Variants in PRKN observed in about 807,000 individuals in gnomAD.
PRKN encodes E3 ubiquitin-protein ligase parkin.
Under a neutral mutation model 59.5 loss-of-function variants are expected in PRKN, and 56 were observed. The observed-to-expected ratio is 0.94, with a 90% CI of 0.76 to 1.18. The LOEUF is 1.18. PRKN is among the 50% of genes most tolerant of loss of function. The pLI is 0.00. For missense variants in PRKN, 657 were observed against 596.4 expected (o/e 1.10, Z -1.06); for synonymous variants, 250 against 222.1 (o/e 1.13, Z -1.12).
chr6:162,651,507 G>A (rs1336995643), intron 1 of PRKN, among the ~76,000 whole-genome samples: 1 of 152,194 alleles, frequency 6.6e-6, no homozygotes, highest in Admixed American at 6.5e-5. Flanking sequence ...AAAGTAGTTT[G>A]AGGAGACACA....
intron 3 of PRKN, among the ~76,000 whole-genome samples, chr6:162,229,978 G>A (rs1365378520): frequency 6.6e-6 from 1 of 152,100 alleles, no homozygotes; most frequent in East Asian, 1.9e-4. Flanking sequence ...TGAGTACTTA[G>A]AACCACTCCG....
intron 1 of PRKN, among the ~76,000 whole-genome samples, chr6:162,662,708 A>G (rs1778936302): frequency 6.6e-6 from 1 of 152,096 alleles, no homozygotes; most frequent in Non-Finnish European, 1.5e-5. Context: ...ATCTTTGTCA[A>G]CTAGGTCAAA....
At chr6:161,439,929 T>A (rs1789120017) in intron 9 of PRKN, among the ~76,000 whole-genome samples, 1 of 147,636 alleles carries the variant, frequency 6.8e-6, no homozygotes, top group African/African-American at 2.5e-5. Flanking sequence ...GGCCTAGGTT[T>A]TTTTGTTTTT....
rs527965476 is a variant in PRKN at position 161,568,879 on chromosome 6, T to C, written c.933+476A>G. 8.6e-5 allele frequency among the ~76,000 whole-genome samples: 13 copies of C among 152,028 alleles called. No individual in the cohort carries two copies. In the East Asian group the frequency reaches 1.9e-3, roughly 23 times the overall value. On this transcript the variant is annotated intron_variant, in intron 8 of 11. Coordinates refer to ENST00000366898, the MANE Select transcript of PRKN (RefSeq NM_004562.3). ...CAGCATTTAAATAATCCACTTCAAA[T>C]GGTCACCCTTTGTATAGACGTCACA... is the stretch of plus-strand genomic sequence containing the variant.
At position 161,588,394 on chromosome 6, in the gene PRKN, A is replaced by G. The variant is rs1781596442; in HGVS notation, c.872-18978T>C. On this transcript the variant is annotated intron_variant, in intron 7 of 11. Coordinates refer to ENST00000366898, the MANE Select transcript of PRKN (RefSeq NM_004562.3). The surrounding 1 kb of genome is among the most constrained non-coding windows in gnomAD (Gnocchi z 5.0). ...AAACTCTGTCCCCTCGCCAAAAAAA[A>G]AAAATTTACTCTATGGGTATCAATA... 1.3e-5 allele frequency among the ~76,000 whole-genome samples: 2 copies of G among 152,170 alleles called. No individual in the cohort carries two copies. Among genetic ancestry groups the G allele is most frequent in the Admixed American group, 1.3e-4 (2 of 15,270 alleles).
intron 6 of PRKN, among the ~76,000 whole-genome samples, chr6:161,893,302 T>C (rs1777486992): frequency 6.6e-6 from 1 of 152,218 alleles, no homozygotes; most frequent in Non-Finnish European, 1.5e-5. Flanking sequence ...AGGGGTACCA[T>C]AGAATACTAA....
At chr6:162,095,410 CT>C (rs1562509908) in intron 4 of PRKN, among the ~76,000 whole-genome samples, 10 of 151,958 alleles carry the variant, frequency 6.6e-5, no homozygotes. Flanking sequence ...AACTGGTTAG[CT>C]TTGAATTTGG....
chr6:162,247,945 AT>A (rs745446714), intron 3 of PRKN, among the ~76,000 whole-genome samples: 6 of 152,126 alleles, frequency 3.9e-5, no homozygotes, highest in Admixed American at 6.6e-5. Context: ...AACTACTTTA[AT>A]TTCCCCCCAG....
intron 1 of PRKN, among the ~76,000 whole-genome samples, chr6:162,546,726 G>A (rs1050978856): frequency 1.3e-5 from 2 of 152,112 alleles, no homozygotes; most frequent in Non-Finnish European, 2.9e-5. Flanking sequence ...TTACAGGCGT[G>A]AGCCACCGCG....
intron 7 of PRKN, among the ~76,000 whole-genome samples, chr6:161,650,745 G>T (rs867802020): frequency 3.3e-5 from 5 of 152,334 alleles, no homozygotes; most frequent in Middle Eastern, 3.4e-3. Context: ...CAGTGGCTGT[G>T]CATTCACTGG....
At chr6:162,699,735 C>T (rs1277907520) in intron 1 of PRKN, among the ~76,000 whole-genome samples, 1 of 152,082 alleles carries the variant, frequency 6.6e-6, no homozygotes, top group East Asian at 1.9e-4. Flanking sequence ...TGAACCAAAG[C>T]AGGAGCCCTA....
At chr6:162,511,995 A>G (rs1296991237) in intron 1 of PRKN, among the ~76,000 whole-genome samples, 2 of 152,306 alleles carry the variant, frequency 1.3e-5, no homozygotes, top group East Asian at 1.9e-4. Context: ...ACAACACCTT[A>G]TATTTATGCT....
intron 4 of PRKN, among the ~76,000 whole-genome samples, chr6:162,058,459 C>T (rs1777956443): frequency 6.6e-6 from 1 of 152,190 alleles, no homozygotes. Flanking sequence ...GGCTCTCATA[C>T]TGTGGCTGGT....
At chr6:162,424,839 G>T (rs1412187053) in intron 2 of PRKN, among the ~76,000 whole-genome samples, 1 of 152,004 alleles carries the variant, frequency 6.6e-6, no homozygotes, top group Non-Finnish European at 1.5e-5. Flanking sequence ...ATGAGGTTGA[G>T]AATTTTCCAC....
chr6:161,455,125 G>GC (rs1789909018), intron 9 of PRKN, among the ~76,000 whole-genome samples: 2 of 149,960 alleles, frequency 1.3e-5, no homozygotes, highest in East Asian at 3.9e-4. Context: ...TGCAACCTCT[G>GC]CCCCCCGGGT....
intron 9 of PRKN, among the ~76,000 whole-genome samples, chr6:161,508,049 T>C (rs1400198369): frequency 6.6e-6 from 1 of 152,220 alleles, no homozygotes; most frequent in Non-Finnish European, 1.5e-5. Flanking sequence ...ACGTTGCTAA[T>C]AGAAGTATCG....
intron 1 of PRKN, among the ~76,000 whole-genome samples, chr6:162,491,808 T>A (rs921567353): frequency 4.6e-5 from 7 of 152,192 alleles, no homozygotes; most frequent in Non-Finnish European, 1.0e-4. Flanking sequence ...CGGGCATGGC[T>A]CCATGTCTTG....
chr6:161,562,362 C>T lies in PRKN; in HGVS notation c.933+6993G>A, dbSNP rs926117074. On this transcript the variant is annotated intron_variant, in intron 8 of 11. Transcript: ENST00000366898. This position sits in a 1 kb window ranked among gnomAD's most constrained non-coding sequence, Gnocchi z 4.3. ...CCATATGGCCCTGGATTGTCTTCTA[C>T]TTTCCTTGAGGTTCCTTCTTGGTCT... Among the ~76,000 whole-genome samples, 7 of 152,220 alleles carry T rather than the reference C, an allele frequency of 4.6e-5. No homozygotes were observed. The highest frequency in any genetic ancestry group is 7.2e-5 in the African/African-American group (3 of 41,460).
In PRKN at chr6:161,874,210, A is replaced by T. The variant is rs1443378015; in HGVS notation, c.735-88302T>A. ...ATAATATATAATATATATTATATGT[A>T]AAATATAATATATATTATATATAAT... is the stretch of plus-strand genomic sequence containing the variant. On this transcript the variant is annotated intron_variant, in intron 6 of 11. Transcript: ENST00000366898. Among the ~76,000 whole-genome samples the T allele has an allele frequency of 2.4e-4, 13 of 54,290 alleles. 2 individuals are homozygous for T. Among genetic ancestry groups the T allele is most frequent in the African/African-American group, 9.6e-4 (11 of 11,446 alleles). The allele number at this position is 54,290 out of a possible 152,430, so 35.6% of individuals were successfully genotyped here. A position where few individuals can be genotyped will look rare whatever the true frequency, so the allele number is the denominator to read the frequency against.
Sources: allele counts gnomAD v4.1 joint callset (sites outside exome capture counted in the v4.1 genomes callset), GRCh38; gene constraint gnomAD v4.1.1; non-coding constraint Gnocchi (gnomAD v3.1); transcripts MANE v1.5; gene names NCBI Gene and HGNC (gene_info 2026-07-23, HGNC 2026-07-21).